Variants in JAM3 observed in about 807,000 individuals in gnomAD.
The protein encoded by JAM3 is junctional adhesion molecule 3, also known as junctional adhesion molecule C.
Under a neutral mutation model 39.4 loss-of-function variants are expected in JAM3, and 31 were observed. The observed-to-expected ratio is 0.79, with a 90% CI of 0.59 to 1.06. JAM3 has a LOEUF of 1.06. JAM3 is among the 50% of genes least tolerant of loss of function. The probability of loss-of-function intolerance (pLI) is 0.00; values close to 1 mark genes in which losing one functional copy is unlikely to be tolerated. For synonymous variants in JAM3, 182 were observed against 148.7 expected (o/e 1.22, Z -1.63); for missense variants, 455 against 391.4 (o/e 1.16, Z -1.37).
intron 1 of JAM3, among the ~76,000 whole-genome samples, chr11:134,103,784 G>A (rs1942125422): frequency 1.3e-5 from 2 of 152,176 alleles, no homozygotes; most frequent in Admixed American, 1.3e-4. Flanking sequence ...TAATGGTAAA[G>A]GGATCAATTC....
At chr11:134,127,919 CCT>C (rs1243169679) in intron 1 of JAM3, among the ~76,000 whole-genome samples, 1 of 152,122 alleles carries the variant, frequency 6.6e-6, no homozygotes, top group East Asian at 1.9e-4. Flanking sequence ...TCTTCTTACT[CCT>C]CTCTGCACTG....
chr11:134,131,326 C>G (rs1942765330), intron 1 of JAM3, among the ~76,000 whole-genome samples: 1 of 151,944 alleles, frequency 6.6e-6, no homozygotes. Context: ...TAGCTGAACA[C>G]AAGGTTAAGG....
rs988609260 is a variant in JAM3 at position 134,110,496 on chromosome 11, A to G, written c.77-29355A>G. On this transcript the variant is annotated intron_variant, in intron 1 of 8. Coordinates refer to ENST00000299106, the MANE Select transcript of JAM3 (RefSeq NM_032801.5). Reference sequence around the variant, plus strand: ...ATAAATTATTGATGCATGCTGCCACATAAATGAATCTCAAAATAATTATGC... The same window carrying G: ...ATAAATTATTGATGCATGCTGCCACGTAAATGAATCTCAAAATAATTATGC... 5.2e-5 allele frequency among the ~76,000 whole-genome samples: 8 copies of G among 152,384 alleles called. No homozygotes were observed. The East Asian group carries it at 1.3e-3, about 26-fold the overall frequency.
chr11:134,135,924 G>C (rs923121458), intron 1 of JAM3, among the ~76,000 whole-genome samples: 1 of 151,988 alleles, frequency 6.6e-6, no homozygotes, highest in Non-Finnish European at 1.5e-5. Context: ...CAAAAAATTA[G>C]CCAGGTGTGG....
chr11:134,148,672 G>A lies in JAM3; in HGVS notation c.838G>A (p.Glu280Lys), dbSNP rs772820653. 7 of 1,614,154 alleles carry A rather than the reference G, an allele frequency of 4.3e-6. No individual in the cohort carries two copies. Among genetic ancestry groups the A allele is most frequent in the Non-Finnish European group, 5.9e-6 (7 of 1,180,040 alleles). ...CTTCATCAACAATAAACAGGATGGA[G>A]AAAGGTGAGCCTGCCTTATGTGAAA... is the stretch of plus-strand genomic sequence containing the variant. ...GYFINNKQDGESYKNPGKPDG... is the reference protein window; with the variant it reads ...GYFINNKQDGKSYKNPGKPDG... Residue 280 changes from glutamate (E) to lysine (K), a missense_variant, in exon 7 of 9, where the codon GAA becomes AAA. Glu to Lys is a moderately conservative substitution (Grantham distance 56). Coordinates refer to ENST00000299106, the MANE Select transcript of JAM3 (RefSeq NM_032801.5).
chr11:134,082,061 A>G (rs987621142), intron 1 of JAM3, among the ~76,000 whole-genome samples: 6 of 151,804 alleles, frequency 4.0e-5, no homozygotes, highest in African/African-American at 9.7e-5. Flanking sequence ...GTCTTGGCCA[A>G]TTTCTCCCAA....
chr11:134,123,759 A>T (rs977659794), intron 1 of JAM3: 1 of 656,428 alleles, frequency 1.5e-6, no homozygotes, highest in Admixed American at 2.1e-5. Flanking sequence ...CCAGATTCAC[A>T]TTTCCAGGTA....
In JAM3 at chr11:134,144,303, C is replaced by G. The variant is rs745951708; in HGVS notation, c.319C>G (p.Arg107Gly). The change falls in exon 4 of 9, where the codon CGG becomes GGG. Residue 107 changes from arginine (R) to glycine (G), a missense_variant. Physicochemically the swap from Arg to Gly is moderately radical, Grantham distance 125 (BLOSUM62 -2). Transcript: ENST00000299106. ...KTSLKIWNVT[R>G]RDSALYRCEV... ...ATCCCTGAAGATCTGGAATGTGACA[C>G]GGAGAGACTCAGCCCTTTATCGCTG... is the stretch of plus-strand genomic sequence containing the variant. 2 of 1,614,136 alleles carry G rather than the reference C, an allele frequency of 1.2e-6. No individual in the cohort carries two copies. Among genetic ancestry groups the G allele is most frequent in the East Asian group, 2.2e-5 (1 of 44,884 alleles).
intron 1 of JAM3, among the ~76,000 whole-genome samples, chr11:134,074,847 G>C: frequency 6.6e-6 from 1 of 152,138 alleles, no homozygotes; most frequent in Non-Finnish European, 1.5e-5. Context: ...TCTGTCAGCT[G>C]ATGTGCCCCA....
intron 1 of JAM3, among the ~76,000 whole-genome samples, chr11:134,112,703 T>A (rs781641285): frequency 1.1e-4 from 17 of 152,168 alleles, no homozygotes; most frequent in Non-Finnish European, 2.2e-4. Context: ...CACACAGAGG[T>A]CACATGGCTA....
intron 1 of JAM3, among the ~76,000 whole-genome samples, chr11:134,100,650 T>C (rs1250328587): frequency 6.6e-6 from 1 of 152,196 alleles, no homozygotes; most frequent in Non-Finnish European, 1.5e-5. Context: ...TGATACCATG[T>C]GAATGCATTC....
rs549786027 is a variant in JAM3 at position 134,078,912 on chromosome 11, G to A, written c.76+9753G>A. 5.3e-5 allele frequency among the ~76,000 whole-genome samples: 8 copies of A among 152,230 alleles called. No individual in the cohort carries two copies. In the East Asian group the frequency reaches 5.8e-4, roughly 11 times the overall value. On this transcript the variant is annotated intron_variant, in intron 1 of 8. Transcript: ENST00000299106. ...AAATTAGCCTGGTATGGTGACATGC[G>A]CCTGTAATCCCAGCTGCTTGGGAGG...
intron 3 of JAM3, among the ~76,000 whole-genome samples, chr11:134,141,694 C>T (rs1320401126): frequency 6.6e-6 from 1 of 151,950 alleles, no homozygotes; most frequent in Non-Finnish European, 1.5e-5. Flanking sequence ...GTGGGGGGCC[C>T]CAAGCTGGGG....
intron 1 of JAM3, among the ~76,000 whole-genome samples, chr11:134,079,632 G>A (rs533736939): frequency 1.3e-5 from 2 of 152,018 alleles, no homozygotes; most frequent in Non-Finnish European, 2.9e-5. Context: ...AATAATATTG[G>A]TTGTAATCCA....
chr11:134,076,372 C>A (rs1053094353), intron 1 of JAM3, among the ~76,000 whole-genome samples: 3 of 151,922 alleles, frequency 2.0e-5, no homozygotes, highest in African/African-American at 7.3e-5. Context: ...TCAGGCTGGT[C>A]TCGAATTCCC....
At chr11:134,139,615 A>G (rs1454944936) in intron 1 of JAM3, 1 of 544,828 alleles carries the variant, frequency 1.8e-6, no homozygotes, top group East Asian at 3.2e-5. Context: ...TGGGACTAAA[A>G]AGGAGAAGGA....
intron 1 of JAM3, among the ~76,000 whole-genome samples, chr11:134,122,196 A>C (rs1237867361): frequency 6.6e-6 from 1 of 152,198 alleles, no homozygotes; most frequent in Non-Finnish European, 1.5e-5. Context: ...TTGAGGTATC[A>C]TCAGTGTGAG....
At chr11:134,138,736 T>G (rs774292777) in intron 1 of JAM3, among the ~76,000 whole-genome samples, 13 of 152,266 alleles carry the variant, frequency 8.5e-5, no homozygotes, top group Non-Finnish European at 1.8e-4. Flanking sequence ...TGGAAGTGTT[T>G]TAGGAACCAA....
At chr11:134,124,386 CAATA>C (rs751229366) in intron 1 of JAM3, 274 of 629,528 alleles carry the variant, frequency 4.4e-4, no homozygotes, top group Non-Finnish European at 4.1e-4. Flanking sequence ...TGAAAGAAAT[CAATA>C]AATCAAAATG....
Sources: allele counts gnomAD v4.1 joint callset (sites outside exome capture counted in the v4.1 genomes callset), GRCh38; gene constraint gnomAD v4.1.1; transcripts MANE v1.5; gene names NCBI Gene and HGNC (gene_info 2026-07-23, HGNC 2026-07-21).